Variants in NTM observed in about 807,000 individuals in gnomAD.
NTM encodes the protein IgLON family member 2.
In NTM, 13 loss-of-function variants were observed where a neutral mutation model predicts 42.1. That is an observed-to-expected ratio of 0.31 (90% CI 0.20 to 0.49). NTM has a LOEUF of 0.49. Among genes scored for constraint, NTM ranks in the 20% least tolerant of loss-of-function variants. The pLI, the probability that NTM is intolerant of heterozygous loss-of-function variation, is 0.99. For synonymous variants in NTM, 187 were observed against 179.2 expected (o/e 1.04, Z -0.35); for missense variants, 373 against 452.8 (o/e 0.82, Z 1.60).
chr11:131,706,878 T>C (rs1439127344), intron 1 of NTM, among the ~76,000 whole-genome samples: 1 of 152,046 alleles, frequency 6.6e-6, no homozygotes, highest in Non-Finnish European at 1.5e-5. Context: ...ATAATAATTA[T>C]ATACATTTAT....
chr11:131,914,781 C>T (rs1224358695), intron 2 of NTM, among the ~76,000 whole-genome samples: 1 of 152,188 alleles, frequency 6.6e-6, no homozygotes, highest in Non-Finnish European at 1.5e-5. Flanking sequence ...AAAACAGAAT[C>T]TGCATTAATA....
intron 2 of NTM, among the ~76,000 whole-genome samples, chr11:132,023,430 C>T (rs752161017): frequency 3.9e-5 from 6 of 152,304 alleles, no homozygotes; most frequent in Middle Eastern, 3.4e-3. Flanking sequence ...GCCTTCTGGT[C>T]ACAGCTGGGC....
intron 1 of NTM, among the ~76,000 whole-genome samples, chr11:131,757,092 C>G (rs2083442118): frequency 6.6e-6 from 1 of 152,212 alleles, no homozygotes; most frequent in South Asian, 2.1e-4. Context: ...TAATTCCATA[C>G]ATTATCTCCT....
rs779098721 is a variant in NTM at position 131,911,487 on chromosome 11, G to A, written c.83-77G>A. The A allele has an allele frequency of 6.8e-6, 11 of 1,614,008 alleles. No homozygotes were observed. In the Admixed American group the frequency reaches 1.5e-4, roughly 22 times the overall value. On this transcript the variant is annotated intron_variant, in intron 1 of 8. Transcript: ENST00000683400. ...GGAAGTTGTGGCTGTCGAGAATGGG[G>A]GTCTGTGGGTACCTGTTCCTGCCCT...
intron 2 of NTM, among the ~76,000 whole-genome samples, chr11:132,079,278 T>G (rs2058735416): frequency 6.6e-6 from 1 of 152,236 alleles, no homozygotes; most frequent in African/African-American, 2.4e-5. Flanking sequence ...CATCCATCTC[T>G]CATAATCCTT....
intron 2 of NTM, among the ~76,000 whole-genome samples, chr11:131,967,642 C>T (rs926796354): frequency 1.3e-5 from 2 of 152,210 alleles, no homozygotes; most frequent in Non-Finnish European, 2.9e-5. Context: ...AAACAGCAAT[C>T]ACCAGATCAA....
intron 1 of NTM, among the ~76,000 whole-genome samples, chr11:131,376,118 C>T (rs564958795): frequency 2.0e-5 from 3 of 152,130 alleles, no homozygotes; most frequent in African/African-American, 7.2e-5. Flanking sequence ...GAGGGGAGAG[C>T]CTGTCTTCAC....
rs541587732 is a variant in NTM at position 131,522,751 on chromosome 11, G to T, written c.82+151863G>T. Among the ~76,000 whole-genome samples, 3 of 152,314 alleles carry T rather than the reference G, an allele frequency of 2.0e-5. No individual in the cohort carries two copies. In the East Asian group the frequency reaches 5.8e-4, roughly 29 times the overall value. ...CTCAGTGCTTTCCTTGGCCTCCATAGATTATAGAGCAGCAAGCATGATCTT... is the reference window on the plus strand; with the variant it reads ...CTCAGTGCTTTCCTTGGCCTCCATATATTATAGAGCAGCAAGCATGATCTT... On this transcript the variant is annotated intron_variant, in intron 1 of 8. Coordinates refer to ENST00000683400, the MANE Select transcript of NTM (RefSeq NM_001352005.2).
rs117345922 is a variant in NTM, at chr11:131,495,584, C to T, written c.82+124696C>T. On this transcript the variant is annotated intron_variant, in intron 1 of 8. Coordinates refer to ENST00000683400, the MANE Select transcript of NTM (RefSeq NM_001352005.2). Reference sequence around the variant, plus strand: ...TGGTCGATACTTGGGAGTAGGCTGCCCTCCTTCTCTTGGCTCAGGTGCTGA... The same window carrying T: ...TGGTCGATACTTGGGAGTAGGCTGCTCTCCTTCTCTTGGCTCAGGTGCTGA... Among the ~76,000 whole-genome samples, 88 of 152,356 alleles carry T rather than the reference C, an allele frequency of 5.8e-4. No individual in the cohort carries two copies. In the East Asian group the frequency reaches 0.014, roughly 24 times the overall value.
intron 2 of NTM, among the ~76,000 whole-genome samples, chr11:131,957,962 G>T (rs1007821148): frequency 1.3e-5 from 2 of 152,148 alleles, no homozygotes; most frequent in Admixed American, 1.3e-4. Flanking sequence ...GTTGCTGTAG[G>T]AATGGAAGCA....
intron 2 of NTM, among the ~76,000 whole-genome samples, chr11:131,986,201 C>T (rs1361584378): frequency 6.6e-6 from 1 of 152,220 alleles, no homozygotes; most frequent in Non-Finnish European, 1.5e-5. Context: ...TCAACCATGA[C>T]AGGTCCTTTG....
At chr11:131,864,999 C>G (rs1012555935) in intron 1 of NTM, among the ~76,000 whole-genome samples, 1 of 152,222 alleles carries the variant, frequency 6.6e-6, no homozygotes, top group African/African-American at 2.4e-5. Flanking sequence ...GTGGGTCTCC[C>G]ACCTCCAGCA....
chr11:131,400,022 A>G, intron 1 of NTM, among the ~76,000 whole-genome samples: 1 of 152,128 alleles, frequency 6.6e-6, no homozygotes, highest in East Asian at 1.9e-4. Context: ...AATTTATGCT[A>G]TGTATGGGGC....
intron 1 of NTM, among the ~76,000 whole-genome samples, chr11:131,737,937 T>C (rs192316241): frequency 1.3e-5 from 2 of 152,308 alleles, no homozygotes; most frequent in South Asian, 2.1e-4. Flanking sequence ...ATATGAAAAT[T>C]AATTTCTGGA....
intron 2 of NTM, among the ~76,000 whole-genome samples, chr11:131,957,373 T>C (rs1397147168): frequency 6.6e-6 from 1 of 152,236 alleles, no homozygotes; most frequent in Non-Finnish European, 1.5e-5. Context: ...GCCCAGTCTC[T>C]GGGTTTATCC....
intron 1 of NTM, among the ~76,000 whole-genome samples, chr11:131,679,841 T>C (rs1243186876): frequency 6.6e-6 from 1 of 152,056 alleles, no homozygotes; most frequent in East Asian, 1.9e-4. Flanking sequence ...CAGGCTGACA[T>C]TGAGAACCAC....
chr11:131,421,411 G>A (rs2135829280), intron 1 of NTM, among the ~76,000 whole-genome samples: 1 of 152,332 alleles, frequency 6.6e-6, no homozygotes, highest in African/African-American at 2.4e-5. Flanking sequence ...GGGGAGAGGA[G>A]GCATCAGAGG....
At chr11:132,169,330 T>TTTTTTTTTTTTG (rs2075796034) in intron 3 of NTM, among the ~76,000 whole-genome samples, 1 of 94,562 alleles carries the variant, frequency 1.1e-5, no homozygotes, top group Non-Finnish European at 2.1e-5. Flanking sequence ...CTTTTTTTTT[T>TTTTTTTTTTTTG]TTTTTTTTTT....
intron 1 of NTM, among the ~76,000 whole-genome samples, chr11:131,529,683 C>T (rs369305615): frequency 1.3e-5 from 2 of 152,184 alleles, no homozygotes; most frequent in East Asian, 3.9e-4. Flanking sequence ...GATAAACCCT[C>T]TAGGAAGTGA....
Sources: gnomAD v4.1 joint callset for allele counts (sites outside exome capture counted in the v4.1 genomes callset) on GRCh38, gnomAD v4.1.1 for gene constraint, MANE v1.5 for transcripts, NCBI Gene and HGNC (gene_info 2026-07-23, HGNC 2026-07-21) for gene names.